ZC3H14: variants seen among roughly 807,000 people sequenced by gnomAD.
ZC3H14 encodes the protein zinc finger CCCH-type containing 14.
Under a neutral mutation model 92.4 loss-of-function variants are expected in ZC3H14, and 31 were observed. That is an observed-to-expected ratio of 0.34 (90% CI 0.25 to 0.45). The LOEUF is 0.45. Ranked by LOEUF, ZC3H14 falls within the 20% of genes least tolerant of loss-of-function variation. ZC3H14 has a pLI of 1.00. For synonymous variants in ZC3H14, 321 were observed against 300.9 expected, an observed-to-expected ratio of 1.07 and a Z score of -0.69; for missense variants, 781 against 897.3, an observed-to-expected ratio of 0.87 and a Z score of 1.66.
chr14:88,616,627 A>T lies in ZC3H14; in HGVS notation c.*4876A>T. On this transcript the variant is annotated 3_prime_UTR_variant, in exon 17 of 17. Coordinates refer to ENST00000251038, the MANE Select transcript of ZC3H14 (RefSeq NM_024824.5). ...TAGAAAGTTTGGGGAAAAATTTAGA[A>T]ATTAGGACAAAACATTTTAAATATA... 8.0e-7 allele frequency: 1 copy of T among 1,253,164 alleles called. No individual in the cohort carries two copies. Among genetic ancestry groups the T allele is most frequent in the Non-Finnish European group, 1.1e-6 (1 of 929,018 alleles). 77.6% of individuals were successfully genotyped at this position (1,253,164 alleles called of 1,614,324 possible).
intron 1 of ZC3H14, 45 bp from the exon 2 acceptor site, chr14:88,563,604 TCC>T: frequency 6.2e-7 from 1 of 1,609,900 alleles, no homozygotes; most frequent in Non-Finnish European, 8.5e-7. Context: ...GGTCTTGTTT[TCC>T]TAGAGCCGCC....
chr14:88,604,303 A>C (rs2140083708), intron 12 of ZC3H14, among the ~76,000 whole-genome samples: 1 of 152,218 alleles, frequency 6.6e-6, no homozygotes, highest in Admixed American at 6.5e-5. Context: ...ATGAGTGGTG[A>C]GCCTCCTTTC....
chr14:88,570,805 A>C (rs1280179683), intron 3 of ZC3H14, among the ~76,000 whole-genome samples: 1 of 152,192 alleles, frequency 6.6e-6, no homozygotes. Context: ...CCATTTATTC[A>C]CTAAATACAG....
intron 9 of ZC3H14, chr14:88,594,298 C>T (rs2083518099): frequency 7.0e-6 from 4 of 574,370 alleles, no homozygotes; most frequent in South Asian, 1.3e-4. Context: ...AGTAGCGCTT[C>T]AGTGCTCTCA....
chr14:88,577,574 CT>C (rs914927820), intron 8 of ZC3H14, among the ~76,000 whole-genome samples: 20 of 147,090 alleles, frequency 1.4e-4, no homozygotes, highest in Admixed American at 2.0e-4. Flanking sequence ...TTTTCTTTTT[CT>C]TTTTTTTTTG....
chr14:88,620,759 A>T lies in ZC3H14; in HGVS notation c.*9008A>T, dbSNP rs993492895. 1.3e-6 allele frequency: 2 copies of T among 1,589,102 alleles called. No individual in the cohort carries two copies. Among genetic ancestry groups the T allele is most frequent in the Non-Finnish European group, 1.7e-6 (2 of 1,171,776 alleles). ...TATTCCATTTGTTCACTAACCTGATATCATGGATTGCACATCTCCTGTCTC... is the reference window on the plus strand; with the variant it reads ...TATTCCATTTGTTCACTAACCTGATTTCATGGATTGCACATCTCCTGTCTC... On this transcript the variant is annotated 3_prime_UTR_variant, in exon 17 of 17. Coordinates refer to ENST00000251038, the MANE Select transcript of ZC3H14 (RefSeq NM_024824.5). This position sits in a 1 kb window ranked among gnomAD's most constrained non-coding sequence, Gnocchi z 4.3.
chr14:88,626,931 G>A lies in ZC3H14; in HGVS notation c.*15180G>A, dbSNP rs372919299. The A allele has an allele frequency of 2.4e-5, 39 of 1,613,746 alleles. No homozygotes were observed. The highest frequency in any genetic ancestry group is 3.3e-5 in the Non-Finnish European group (39 of 1,179,858). On this transcript the variant is annotated 3_prime_UTR_variant, in exon 17 of 17. Transcript: ENST00000251038. ...TGCTAAGAAGAGCTCTTCCTGCCAG[G>A]GTCCAGAACTTCACATGTTTTACTC... is the stretch of plus-strand genomic sequence containing the variant.
chr14:88,592,819 G>A (rs2083319826), intron 9 of ZC3H14, among the ~76,000 whole-genome samples: 2 of 151,998 alleles, frequency 1.3e-5, no homozygotes. Context: ...TCTTTTAAGA[G>A]ACTATAGTGA....
Position 88,621,463 on chromosome 14 carries a change from A to G in ZC3H14, c.*9712A>G, listed in dbSNP as rs2088918631. 1 of 675,634 alleles carries G rather than the reference A, an allele frequency of 1.5e-6. No homozygotes were observed. Among genetic ancestry groups the G allele is most frequent in the Non-Finnish European group, 2.6e-6 (1 of 389,408 alleles). The allele number at this position is 675,634 out of a possible 1,614,324, so 41.9% of individuals were successfully genotyped here. The stretch of plus-strand genomic sequence containing the variant: ...AGCTCATGCAAATTTTTCTATGACT[A>G]CAGGCACACATCTATCTGTAAGCAC... On this transcript the variant is annotated 3_prime_UTR_variant, in exon 17 of 17. Coordinates refer to ENST00000251038, the MANE Select transcript of ZC3H14 (RefSeq NM_024824.5).
At position 88,602,857 on chromosome 14, in the gene ZC3H14, G is replaced by C. The variant is rs1316245654; in HGVS notation, c.1544G>C (p.Ser515Thr). 6.8e-6 allele frequency: 11 copies of C among 1,614,002 alleles called. No individual in the cohort carries two copies. In the African/African-American group the frequency reaches 1.3e-4, roughly 20 times the overall value. Reference protein sequence around the residue: ...RDLVQPDKPASPKFIVTLDGV... With the variant: ...RDLVQPDKPATPKFIVTLDGV... Reference sequence around the variant, plus strand: ...CTTGTACAACCAGATAAACCTGCAAGTCCCAAGTTTATAGTGACGCTGGAT... The same window carrying C: ...CTTGTACAACCAGATAAACCTGCAACTCCCAAGTTTATAGTGACGCTGGAT... The change falls in exon 12 of 17, where the codon AGT becomes ACT. Residue 515 changes from serine (S) to threonine (T), a missense_variant. Coordinates refer to ENST00000251038, the MANE Select transcript of ZC3H14 (RefSeq NM_024824.5).
intron 3 of ZC3H14, among the ~76,000 whole-genome samples, chr14:88,570,432 A>C (rs564057055): frequency 6.6e-6 from 1 of 152,368 alleles, no homozygotes; most frequent in South Asian, 2.1e-4. Context: ...ATCAGTTTTG[A>C]AAGTAATAGA....
At chr14:88,569,480 T>G (rs908514992) in intron 3 of ZC3H14, among the ~76,000 whole-genome samples, 1 of 152,212 alleles carries the variant, frequency 6.6e-6, no homozygotes. Context: ...GAATACTGAC[T>G]AGAAGAGTAA....
Position 88,618,457 on chromosome 14 carries a change from G to T in ZC3H14, c.*6706G>T. The T allele has an allele frequency of 9.1e-7, 1 of 1,098,076 alleles. No individual in the cohort carries two copies. Among genetic ancestry groups the T allele is most frequent in the Non-Finnish European group, 1.3e-6 (1 of 761,910 alleles). 68.0% of individuals were successfully genotyped at this position (1,098,076 alleles called of 1,614,324 possible). On this transcript the variant is annotated 3_prime_UTR_variant, in exon 17 of 17. Coordinates refer to ENST00000251038, the MANE Select transcript of ZC3H14 (RefSeq NM_024824.5). ...GTCTAACATTATTAAGTATGCAAAA[G>T]ATCACTACAAAAACTTAATAGGAGA...
In ZC3H14 at chr14:88,574,690, C is replaced by T. The variant is rs947295509; in HGVS notation, c.862-3C>T. The T allele has an allele frequency of 3.1e-6, 5 of 1,613,920 alleles. No individual in the cohort carries two copies. The South Asian group carries it at 3.3e-5, about 11-fold the overall frequency. On this transcript the variant is annotated splice_region_variant and splice_polypyrimidine_tract_variant and intron_variant, in intron 6 of 16. Transcript: ENST00000251038. ...GGTAAGCATAAATTTTATCTGATTGCAGGATGAAAACTTTCGGAAGAGAAA... is the reference window on the plus strand; with the variant it reads ...GGTAAGCATAAATTTTATCTGATTGTAGGATGAAAACTTTCGGAAGAGAAA...
At chr14:88,572,343 C>T (rs2080540102) in intron 5 of ZC3H14, 118 bp downstream of exon 5, 7 of 1,203,290 alleles carry the variant, frequency 5.8e-6, no homozygotes, top group South Asian at 1.4e-5. Flanking sequence ...ATGAAGTGAT[C>T]GTGAGTAGTT....
intron 9 of ZC3H14, among the ~76,000 whole-genome samples, chr14:88,595,927 G>A (rs1465831364): frequency 2.6e-5 from 4 of 152,180 alleles, no homozygotes; most frequent in Non-Finnish European, 5.9e-5. Context: ...GCAAGTGAGT[G>A]CCTGATGTCT....
chr14:88,596,169 TATC>T (rs2083794150), intron 9 of ZC3H14, among the ~76,000 whole-genome samples: 1 of 152,260 alleles, frequency 6.6e-6, no homozygotes, highest in Non-Finnish European at 1.5e-5. Context: ...AAAGAATTAT[TATC>T]ATGCTTTGCT....
In ZC3H14 at chr14:88,621,156, G is replaced by A. The variant is rs1304806983; in HGVS notation, c.*9405G>A. On this transcript the variant is annotated 3_prime_UTR_variant, in exon 17 of 17. Coordinates refer to ENST00000251038, the MANE Select transcript of ZC3H14 (RefSeq NM_024824.5). ...AAGTCTCACTGTCCCATCTTCTGCA[G>A]CAGAAAGGAAAAAATCCCTGGAAGG... The A allele has an allele frequency of 1.2e-6, 2 of 1,613,846 alleles. No homozygotes were observed. The highest frequency in any genetic ancestry group is 1.7e-5 in the Admixed American group (1 of 60,006).
chr14:88,577,577 T>G (rs981418767), intron 8 of ZC3H14, among the ~76,000 whole-genome samples: 4 of 152,064 alleles, frequency 2.6e-5, no homozygotes, highest in African/African-American at 9.7e-5. Context: ...TCTTTTTCTT[T>G]TTTTTTTGGA....
Sources: gnomAD v4.1 joint callset for allele counts (sites outside exome capture counted in the v4.1 genomes callset) on GRCh38, gnomAD v4.1.1 for gene constraint, Gnocchi (gnomAD v3.1) non-coding constraint, MANE v1.5 for transcripts, NCBI Gene and HGNC (gene_info 2026-07-23, HGNC 2026-07-21) for gene names.